C12orf42: variants seen among roughly 807,000 people sequenced by gnomAD.
C12orf42 encodes chromosome 12 open reading frame 42, also known as uncharacterized protein C12orf42.
C12orf42 carries 25 observed loss-of-function variants against 21.6 expected under a neutral mutation model. The observed-to-expected ratio is 1.16, with a 90% CI of 0.84 to 1.62. C12orf42 has a LOEUF of 1.62. Ranked by LOEUF, C12orf42 falls within the 40% of genes most tolerant of loss-of-function variation. C12orf42 has a pLI of 0.00. For missense variants in C12orf42, 483 were observed against 459.3 expected, an observed-to-expected ratio of 1.05 and a Z score of -0.47; for synonymous variants, 174 against 175.0, an observed-to-expected ratio of 0.99 and a Z score of 0.05.
chr12:103,269,384 C>T (rs933400986), intron 6 of C12orf42, among the ~76,000 whole-genome samples: 1 of 152,070 alleles, frequency 6.6e-6, no homozygotes, highest in Non-Finnish European at 1.5e-5. Flanking sequence ...CCAGATCAAT[C>T]GCATTGACAG....
chr12:103,232,262 T>C, the C12orf42 span, among the ~76,000 whole-genome samples: 6 of 152,362 alleles, frequency 3.9e-5, no homozygotes, highest in South Asian at 1.2e-3. Context: ...CTTCTCTTTT[T>C]AATCTCTTTA....
At chr12:103,413,229 T>C (rs10400540) in intron 2 of C12orf42, among the ~76,000 whole-genome samples, 2,144 of 152,318 alleles carry the variant, frequency 0.014, 53 homozygotes, top group African/African-American at 0.049. Context: ...CCATTGCTTC[T>C]TTGTCAGCCT....
chr12:103,274,759 A>G (rs1037078316), intron 5 of C12orf42, among the ~76,000 whole-genome samples: 4 of 152,232 alleles, frequency 2.6e-5, no homozygotes, highest in Admixed American at 2.6e-4. Flanking sequence ...CCAAAAAGAA[A>G]ACAAAAACAA....
the C12orf42 span, among the ~76,000 whole-genome samples, chr12:103,189,453 C>A: frequency 6.6e-6 from 1 of 152,316 alleles, no homozygotes; most frequent in Non-Finnish European, 1.5e-5. Context: ...AATACCTTCA[C>A]AAGATCTCCA....
the C12orf42 span, among the ~76,000 whole-genome samples, chr12:103,155,714 ATAC>A: frequency 2.0e-5 from 3 of 149,886 alleles, no homozygotes; most frequent in Non-Finnish European, 4.4e-5. Context: ...ATATATACAT[ATAC>A]AAGTGTATAT....
chr12:103,307,748 A>ATGCACATGTG (rs753605300), intron 4 of C12orf42, among the ~76,000 whole-genome samples: 5 of 152,078 alleles, frequency 3.3e-5, no homozygotes, highest in South Asian at 2.1e-4. Flanking sequence ...GTAGAGGGGC[A>ATGCACATGTG]TGCACATGTG....
downstream of C12orf42, among the ~76,000 whole-genome samples, chr12:103,236,231 C>T (rs777426962): frequency 2.0e-5 from 3 of 152,102 alleles, no homozygotes; most frequent in Non-Finnish European, 4.4e-5. Context: ...TGTCAGAATG[C>T]TATGTTAACA....
the C12orf42 span, among the ~76,000 whole-genome samples, chr12:103,083,850 T>G: frequency 6.6e-6 from 1 of 152,190 alleles, no homozygotes; most frequent in African/African-American, 2.4e-5. Flanking sequence ...ACTTGGTGTG[T>G]CTTCTGGGAA....
chr12:103,453,763 A>AT (rs1952106283), intron 2 of C12orf42, among the ~76,000 whole-genome samples: 1 of 151,826 alleles, frequency 6.6e-6, no homozygotes, highest in African/African-American at 2.4e-5. Context: ...GTGACTTTTG[A>AT]TTTTTTCACT....
the C12orf42 span, among the ~76,000 whole-genome samples, chr12:103,064,690 T>G: frequency 6.6e-6 from 1 of 152,218 alleles, no homozygotes; most frequent in African/African-American, 2.4e-5. Flanking sequence ...CTGTTAATCT[T>G]TCTCCCATCC....
intron 2 of C12orf42, among the ~76,000 whole-genome samples, chr12:103,454,431 CTA>C (rs1182055590): frequency 6.6e-6 from 1 of 152,078 alleles, no homozygotes; most frequent in Admixed American, 6.6e-5. Context: ...AGACAGGAAA[CTA>C]TGTAATACAT....
the C12orf42 span, among the ~76,000 whole-genome samples, chr12:103,151,235 A>G: frequency 1.1e-4 from 17 of 152,252 alleles, no homozygotes; most frequent in East Asian, 3.1e-3. Context: ...CCAGGAGTGT[A>G]TCTTTCAAAG....
chr12:103,092,055 T>C, the C12orf42 span, among the ~76,000 whole-genome samples: 9 of 152,314 alleles, frequency 5.9e-5, no homozygotes, highest in African/African-American at 2.2e-4. Flanking sequence ...TTTTTGTTTG[T>C]TTGTTTGGTT....
chr12:103,282,274 A>G (rs952215390), intron 4 of C12orf42, among the ~76,000 whole-genome samples: 2 of 152,220 alleles, frequency 1.3e-5, no homozygotes, highest in Non-Finnish European at 2.9e-5. Context: ...CTTAAAAAGC[A>G]AGATGAGAGA....
chr12:103,301,840 C>T (rs568003833), downstream of C12orf42: 5 of 362,128 alleles, frequency 1.4e-5, no homozygotes, highest in South Asian at 7.4e-5. Context: ...CAAAGTGGCA[C>T]GCGATGTACC....
At chr12:103,133,866 C>T in the C12orf42 span, among the ~76,000 whole-genome samples, 1 of 152,182 alleles carries the variant, frequency 6.6e-6, no homozygotes, top group Admixed American at 6.5e-5. Context: ...AAGGGGCTTC[C>T]CCCTTCACTC....
intron 2 of C12orf42, among the ~76,000 whole-genome samples, chr12:103,405,882 G>T (rs2048391047): frequency 6.6e-6 from 1 of 152,110 alleles, no homozygotes; most frequent in African/African-American, 2.4e-5. Flanking sequence ...AGAGGATCAA[G>T]ACATTAAGAT....
At chr12:103,266,941 T>C (rs2035199941), downstream of C12orf42, among the ~76,000 whole-genome samples, 1 of 152,132 alleles carries the variant, frequency 6.6e-6, no homozygotes, top group African/African-American at 2.4e-5. Flanking sequence ...GGCATTTTGC[T>C]TTAAAACTTG....
At chr12:103,080,040 A>G in the C12orf42 span, among the ~76,000 whole-genome samples, 1 of 152,150 alleles carries the variant, frequency 6.6e-6, no homozygotes, top group Non-Finnish European at 1.5e-5. Flanking sequence ...GACATTATAT[A>G]TACACCAAGT....
Sources: gnomAD v4.1 joint callset for allele counts (sites outside exome capture counted in the v4.1 genomes callset) on GRCh38, gnomAD v4.1.1 for gene constraint, MANE v1.5 for transcripts, NCBI Gene and HGNC (gene_info 2026-07-23, HGNC 2026-07-21) for gene names.